The following PTPRT variants were observed in gnomAD, a reference collection of about 807,000 sequenced individuals.
PTPRT encodes the protein protein tyrosine phosphatase receptor type T, also known as receptor-type tyrosine-protein phosphatase T.
In PTPRT, 56 loss-of-function variants were observed where a neutral mutation model predicts 176.8. That is an observed-to-expected ratio of 0.32 (90% CI 0.26 to 0.40). The LOEUF is 0.40. Ranked by LOEUF, PTPRT falls within the 10% of genes least tolerant of loss-of-function variation. The pLI is 1.00. For synonymous variants in PTPRT, 783 were observed against 739.0 expected (o/e 1.06, Z -0.96); for missense variants, 1,540 against 1,908.2 (o/e 0.81, Z 3.60).
chr20:42,982,792 G>A (rs1328773054), intron 1 of PTPRT, among the ~76,000 whole-genome samples: 2 of 152,196 alleles, frequency 1.3e-5, no homozygotes, highest in Admixed American at 6.5e-5. Context: ...CAGCTCCAGG[G>A]TGCCATTGCT....
intron 2 of PTPRT, among the ~76,000 whole-genome samples, chr20:42,863,995 C>G (rs551032227): frequency 1.3e-5 from 2 of 152,330 alleles, no homozygotes; most frequent in South Asian, 4.1e-4. Context: ...AGCTACCTGG[C>G]CAGGATGCTG....
chr20:43,119,623 T>C (rs1229257240), intron 1 of PTPRT, among the ~76,000 whole-genome samples: 1 of 152,216 alleles, frequency 6.6e-6, no homozygotes, highest in Non-Finnish European at 1.5e-5. Context: ...CTGAATCCCA[T>C]CTTGGGTTGC....
intron 1 of PTPRT, among the ~76,000 whole-genome samples, chr20:43,184,762 C>T (rs981158169): frequency 2.6e-5 from 4 of 151,936 alleles, no homozygotes; most frequent in African/African-American, 9.7e-5. Flanking sequence ...ATTGACACAT[C>T]GATTCCCATT....
intron 6 of PTPRT, among the ~76,000 whole-genome samples, chr20:42,718,875 A>G (rs1008899505): frequency 8.5e-5 from 13 of 152,226 alleles, no homozygotes; most frequent in Admixed American, 3.9e-4. Flanking sequence ...CCAAAAAATA[A>G]GGAACTGCAA....
chr20:42,147,756 T>G (rs1988936081), intron 17 of PTPRT, among the ~76,000 whole-genome samples: 1 of 152,220 alleles, frequency 6.6e-6, no homozygotes, highest in Non-Finnish European at 1.5e-5. Context: ...TGGGAGCCTC[T>G]GTCTCCCTTA....
At chr20:42,535,465 G>A (rs2072460240) in intron 7 of PTPRT, among the ~76,000 whole-genome samples, 1 of 152,150 alleles carries the variant, frequency 6.6e-6, no homozygotes, top group Admixed American at 6.5e-5. Flanking sequence ...CTACCCCAGA[G>A]CCTATAAAAT....
chr20:43,168,528 A>G (rs928231051), intron 1 of PTPRT, among the ~76,000 whole-genome samples: 2 of 152,220 alleles, frequency 1.3e-5, no homozygotes, highest in Admixed American at 6.5e-5. Flanking sequence ...ATTTTTTCCC[A>G]TGCTGATATG....
At chr20:42,621,331 T>G (rs1337505091) in intron 7 of PTPRT, among the ~76,000 whole-genome samples, 2 of 152,166 alleles carry the variant, frequency 1.3e-5, no homozygotes, top group African/African-American at 4.8e-5. Context: ...TGTCCAAATC[T>G]TTTCCCTCAA....
chr20:42,763,453 A>G (rs1486231277), intron 5 of PTPRT, among the ~76,000 whole-genome samples: 1 of 152,178 alleles, frequency 6.6e-6, no homozygotes, highest in Non-Finnish European at 1.5e-5. Flanking sequence ...ACTTCTTGGC[A>G]TCAAAATAAT....
intron 7 of PTPRT, among the ~76,000 whole-genome samples, chr20:42,666,880 A>C (rs1286567729): frequency 6.6e-6 from 1 of 152,176 alleles, no homozygotes; most frequent in East Asian, 1.9e-4. Context: ...CATAGCATTG[A>C]AATCTTTTAG....
chr20:42,197,863 AT>A (rs1291787996), intron 16 of PTPRT, among the ~76,000 whole-genome samples: 1 of 152,170 alleles, frequency 6.6e-6, no homozygotes, highest in African/African-American at 2.4e-5. Context: ...TCTTCTCAAC[AT>A]TTTTGTAGGT....
chr20:43,010,716 C>T (rs1266389442), intron 1 of PTPRT, among the ~76,000 whole-genome samples: 1 of 148,310 alleles, frequency 6.7e-6, no homozygotes, highest in Non-Finnish European at 1.5e-5. Flanking sequence ...TTGCATGAAT[C>T]CACCACTTGC....
At chr20:42,444,930 T>G (rs2059349695) in intron 9 of PTPRT, among the ~76,000 whole-genome samples, 1 of 152,194 alleles carries the variant, frequency 6.6e-6, no homozygotes, top group African/African-American at 2.4e-5. Flanking sequence ...AGAGTAACAG[T>G]TACTTCTCAT....
At chr20:42,059,661 G>A in the PTPRT span, among the ~76,000 whole-genome samples, 6 of 152,146 alleles carry the variant, frequency 3.9e-5, no homozygotes, top group Non-Finnish European at 4.4e-5. Context: ...AGGTGTCTCT[G>A]GTTCAAAGTC....
chr20:43,177,798 G>A lies in PTPRT; in HGVS notation c.88+11848C>T, dbSNP rs115101943. Among the ~76,000 whole-genome samples the A allele has an allele frequency of 9.8e-3, 1,499 of 152,242 alleles. 33 individuals are homozygous for A. The highest frequency in any genetic ancestry group is 0.034 in the African/African-American group (1,397 of 41,540). On this transcript the variant is annotated intron_variant, in intron 1 of 30. Coordinates refer to ENST00000373187, the MANE Select transcript of PTPRT (RefSeq NM_007050.6). ...AGTGACCCATCAGGAACCTGGCCCC[G>A]TTACAGTTTTAAACTAAAAAATTCT...
At chr20:42,868,485 A>G (rs2078788976) in intron 2 of PTPRT, among the ~76,000 whole-genome samples, 3 of 152,218 alleles carry the variant, frequency 2.0e-5, no homozygotes, top group Admixed American at 1.3e-4. Context: ...TGAGGGTGCT[A>G]CATGGCTTCT....
intron 11 of PTPRT, among the ~76,000 whole-genome samples, chr20:42,327,520 G>A (rs574840623): frequency 6.6e-6 from 1 of 151,982 alleles, no homozygotes; most frequent in South Asian, 2.1e-4. Context: ...TTCCATAGGA[G>A]ATACAAACTA....
chr20:42,251,775 A>G (rs2056555624), intron 13 of PTPRT, among the ~76,000 whole-genome samples: 1 of 152,004 alleles, frequency 6.6e-6, no homozygotes, highest in East Asian at 1.9e-4. Flanking sequence ...GCAAGGAGGG[A>G]AAGATGAAAA....
chr20:42,099,642 A>C (rs1985728314), intron 26 of PTPRT, among the ~76,000 whole-genome samples: 1 of 148,990 alleles, frequency 6.7e-6, no homozygotes, highest in African/African-American at 2.5e-5. Flanking sequence ...GATTGGGAAG[A>C]TTCTCCACTT....
Sources: allele counts gnomAD v4.1 joint callset (sites outside exome capture counted in the v4.1 genomes callset), GRCh38; gene constraint gnomAD v4.1.1; transcripts MANE v1.5; gene names NCBI Gene and HGNC (gene_info 2026-07-23, HGNC 2026-07-21).